The following ZNF592 variants were observed in gnomAD, a reference collection of about 807,000 sequenced individuals.
ZNF592 encodes the protein spinocerebellar ataxia, autosomal recessive 5.
Under a neutral mutation model 80.3 loss-of-function variants are expected in ZNF592, and 11 were observed. That is an observed-to-expected ratio of 0.14 (90% confidence interval 0.09 to 0.23). The LOEUF (loss-of-function observed/expected upper bound fraction) is 0.23. Ranked by LOEUF, ZNF592 falls within the 10% of genes least tolerant of loss-of-function variation. The pLI is 1.00. For missense variants in ZNF592, 1,420 were observed against 1,633.9 expected (o/e 0.87, Z 2.26); for synonymous variants, 646 against 640.3 (o/e 1.01, Z -0.13).
intron 2 of ZNF592, among the ~76,000 whole-genome samples, chr15:84,765,971 C>T (rs1596111070): frequency 6.6e-6 from 1 of 151,068 alleles, no homozygotes; most frequent in African/African-American, 2.4e-5. Flanking sequence ...TCTGTGTACT[C>T]ACTCAGATTC....
At position 84,801,511 on chromosome 15, in the gene ZNF592, GA is replaced by G. The variant is rs1469636137; in HGVS notation, c.3274-348del. The stretch of plus-strand genomic sequence containing the variant: ...TAAGACCCTGCCTCAAAAAGAAAAA[GA>G]AAAGTATGCATGGCATGCCATATTT... On this transcript the variant is annotated intron_variant, in intron 10 of 10. Transcript: ENST00000560079. 2.0e-5 allele frequency among the ~76,000 whole-genome samples: 3 copies of G among 152,242 alleles called. No homozygotes were observed. The East Asian group carries it at 5.8e-4, about 29-fold the overall frequency.
chr15:84,765,632 G>A (rs755929781), intron 2 of ZNF592, among the ~76,000 whole-genome samples: 3 of 134,330 alleles, frequency 2.2e-5, no homozygotes, highest in African/African-American at 2.8e-5. Flanking sequence ...TCCACCTCCC[G>A]GGTTCATGCC....
In ZNF592 at chr15:84,798,862, A is replaced by C; in HGVS notation, c.3011A>C (p.Lys1004Thr). 1.9e-6 allele frequency: 3 copies of C among 1,598,538 alleles called. No individual in the cohort carries two copies. The highest frequency in any genetic ancestry group is 2.5e-6 in the Non-Finnish European group (3 of 1,179,722). ...DRESYVSHMK[K>T]SHGRTLKRYP... ...GAGAGCTACGTGTCCCACATGAAAA[A>C]GAGCCACGGTCGGGTAAGTGCAGCC... The change falls in exon 8 of 11, where the codon AAG becomes ACG. Residue 1004 changes from lysine to threonine, a missense_variant. By Grantham distance (78) the Lys-to-Thr change is moderately conservative. Transcript: ENST00000560079. This position sits in a 1 kb window ranked among gnomAD's most constrained non-coding sequence, Gnocchi z 4.5.
intron 1 of ZNF592, among the ~76,000 whole-genome samples, chr15:84,753,976 C>T (rs1899089851): frequency 1.3e-5 from 2 of 152,150 alleles, no homozygotes; most frequent in African/African-American, 4.8e-5. Flanking sequence ...TATCCATTAG[C>T]TAATTACTTT....
intron 1 of ZNF592, among the ~76,000 whole-genome samples, chr15:84,760,079 G>A (rs1475169808): frequency 6.8e-6 from 1 of 148,046 alleles, no homozygotes; most frequent in African/African-American, 2.6e-5. Context: ...TAGGCAGAGG[G>A]GAGTGATCCT....
intron 4 of ZNF592, among the ~76,000 whole-genome samples, chr15:84,787,284 G>T (rs185984504): frequency 3.3e-5 from 5 of 152,154 alleles, no homozygotes; most frequent in African/African-American, 1.2e-4. Flanking sequence ...AGCACCCGCC[G>T]ACAGGAAGGG....
At chr15:84,767,012 C>T (rs887460127) in intron 2 of ZNF592, among the ~76,000 whole-genome samples, 1 of 151,802 alleles carries the variant, frequency 6.6e-6, no homozygotes, top group African/African-American at 2.4e-5. Flanking sequence ...TTTGTTTTTC[C>T]GAGATGGAGT....
At chr15:84,752,977 A>G (rs928145572) in intron 1 of ZNF592, 1 of 152,180 alleles carries the variant, frequency 6.6e-6, no homozygotes, top group Non-Finnish European at 1.5e-5. Context: ...CAGGGCTGGG[A>G]CATACTAACA....
At chr15:84,773,360 C>G (rs751964834) in intron 2 of ZNF592, among the ~76,000 whole-genome samples, 2 of 151,990 alleles carry the variant, frequency 1.3e-5, no homozygotes, top group African/African-American at 2.4e-5. Context: ...TACAGGTGCC[C>G]GCCACCAAGC....
chr15:84,784,503 A>G lies in ZNF592; in HGVS notation c.1828A>G (p.Ser610Gly), dbSNP rs1962529243. Residue 610 changes from serine (S) to glycine (G), a missense_variant, in exon 4 of 11, where the codon AGC becomes GGC. Physicochemically the swap from Ser to Gly is moderately conservative, Grantham distance 56 (BLOSUM62 0). Transcript: ENST00000560079. This position sits in a 1 kb window ranked among gnomAD's most constrained non-coding sequence, Gnocchi z 5.8. ...KSLSQHYGRR[S>G]VHIEVLCTLC... ...CCTGAGCCAGCACTATGGCCGGCGG[A>G]GCGTCCACATTGAGGTACTGTGCAC... 2 of 1,614,120 alleles carry G rather than the reference A, an allele frequency of 1.2e-6. No homozygotes were observed.
At chr15:84,766,706 A>AGTGTGTGTGT (rs10667788) in intron 2 of ZNF592, among the ~76,000 whole-genome samples, 23,343 of 139,940 alleles carry the variant, frequency 0.17, 2,168 homozygotes, top group Middle Eastern at 0.21. Context: ...GATGAGAAAG[A>AGTGTGTGTGT]GTGTGTGTGT....
At chr15:84,768,694 A>G (rs542471129) in intron 2 of ZNF592, among the ~76,000 whole-genome samples, 3 of 152,132 alleles carry the variant, frequency 2.0e-5, no homozygotes, top group Non-Finnish European at 4.4e-5. Context: ...CCCCCCACTG[A>G]TAAAATATTT....
In ZNF592 at chr15:84,784,675, T is replaced by G; in HGVS notation, c.2000T>G (p.Val667Gly). The G allele has an allele frequency of 1.2e-6, 2 of 1,614,134 alleles. No individual in the cohort carries two copies. Among genetic ancestry groups the G allele is most frequent in the Non-Finnish European group, 1.7e-6 (2 of 1,180,028 alleles). Residue 667 changes from valine (V) to glycine (G), a missense_variant, in exon 4 of 11, where the codon GTG becomes GGG. Physicochemically the swap from Val to Gly is moderately radical, Grantham distance 109 (BLOSUM62 -3). Coordinates refer to ENST00000560079, the MANE Select transcript of ZNF592 (RefSeq NM_014630.3). This position sits in a 1 kb window ranked among gnomAD's most constrained non-coding sequence, Gnocchi z 5.8. ...GACCAAATGTTCGTGTCGGCCCCTG[T>G]GAACTCCACGGCACCAGCAGCCCCA... The part of the protein sequence containing the change: ...SADQMFVSAP[V>G]NSTAPAAPAP...
Position 84,798,191 on chromosome 15 carries a change from G to C in ZNF592, c.2577-124G>C. On this transcript the variant is annotated intron_variant, in intron 6 of 10. Coordinates refer to ENST00000560079, the MANE Select transcript of ZNF592 (RefSeq NM_014630.3). The surrounding 1 kb of genome is among the most constrained non-coding windows in gnomAD (Gnocchi z 4.5). ...GTACTAAGGATGTCCTGAGGCAGGGGAGCATCCACATTGGCTCAGGGTAGT... is the reference window on the plus strand; with the variant it reads ...GTACTAAGGATGTCCTGAGGCAGGGCAGCATCCACATTGGCTCAGGGTAGT... 1.3e-6 allele frequency: 2 copies of C among 1,565,132 alleles called. No homozygotes were observed. The highest frequency in any genetic ancestry group is 2.2e-5 in the South Asian group (2 of 89,454).
chr15:84,768,777 G>A (rs961481570), intron 2 of ZNF592, among the ~76,000 whole-genome samples: 4 of 152,102 alleles, frequency 2.6e-5, no homozygotes, highest in African/African-American at 9.7e-5. Flanking sequence ...TCCCACTGGC[G>A]AGGTCCCATA....
intron 2 of ZNF592, among the ~76,000 whole-genome samples, chr15:84,776,181 G>A (rs971196815): frequency 5.3e-5 from 8 of 152,338 alleles, no homozygotes; most frequent in African/African-American, 1.9e-4. Context: ...GCTTCAGGGT[G>A]AGCCTCTGAC....
chr15:84,777,780 C>T (rs1323792464), intron 2 of ZNF592, among the ~76,000 whole-genome samples: 16 of 147,482 alleles, frequency 1.1e-4, no homozygotes, highest in South Asian at 2.1e-4. Context: ...GCTCACTGCA[C>T]GCTCCGCCTC....
chr15:84,785,882 C>G (rs189729784), intron 4 of ZNF592, among the ~76,000 whole-genome samples: 9 of 148,742 alleles, frequency 6.1e-5, no homozygotes, highest in African/African-American at 1.9e-4. Flanking sequence ...AAAAAAAAAG[C>G]CTTCTGCGCT....
intron 5 of ZNF592, among the ~76,000 whole-genome samples, chr15:84,795,325 C>T (rs190312702): frequency 1.6e-4 from 25 of 152,256 alleles, no homozygotes; most frequent in Admixed American, 1.3e-3. Context: ...TTGTCTATCT[C>T]GTCTTAAAAA....
Sources: allele counts gnomAD v4.1 joint callset (sites outside exome capture counted in the v4.1 genomes callset), GRCh38; gene constraint gnomAD v4.1.1; non-coding constraint Gnocchi (gnomAD v3.1); transcripts MANE v1.5; gene names NCBI Gene and HGNC (gene_info 2026-07-23, HGNC 2026-07-21).